FRMD4A: variants seen among roughly 807,000 people sequenced by gnomAD.
FRMD4A encodes FERM domain containing 4A, also known as FERM domain-containing protein 4A.
FRMD4A carries 29 observed loss-of-function variants against 129.1 expected under a neutral mutation model. The observed-to-expected ratio is 0.22, with a 90% CI of 0.17 to 0.31. The LOEUF is 0.31. Among genes scored for constraint, FRMD4A ranks in the 10% least tolerant of loss-of-function variants. The pLI is 1.00. For missense variants in FRMD4A, 1,272 were observed against 1,375.8 expected (o/e 0.92, Z 1.19); for synonymous variants, 634 against 571.6 (o/e 1.11, Z -1.56).
intron 9 of FRMD4A, among the ~76,000 whole-genome samples, chr10:13,741,609 C>A (rs2091009055): frequency 6.6e-6 from 1 of 152,200 alleles, no homozygotes; most frequent in African/African-American, 2.4e-5. Context: ...CTCATCTTCC[C>A]AGTCCTGTTC....
At chr10:13,992,838 A>T (rs1310003917) in intron 2 of FRMD4A, among the ~76,000 whole-genome samples, 1 of 150,566 alleles carries the variant, frequency 6.6e-6, no homozygotes, top group Non-Finnish European at 1.5e-5. Context: ...CTGTAATCCC[A>T]GCTACTTGGG....
At chr10:13,954,609 T>C (rs1264670089) in intron 2 of FRMD4A, among the ~76,000 whole-genome samples, 2 of 152,082 alleles carry the variant, frequency 1.3e-5, no homozygotes, top group South Asian at 4.1e-4. Flanking sequence ...GGAAGGGGAA[T>C]TGAGAGGAGA....
intron 2 of FRMD4A, among the ~76,000 whole-genome samples, chr10:14,289,465 A>G (rs1218426726): frequency 6.6e-6 from 1 of 152,002 alleles, no homozygotes; most frequent in Admixed American, 6.5e-5. Flanking sequence ...CCAGTTTTTA[A>G]TTGGGTTATC....
At chr10:14,029,285 G>A (rs1389001999) in intron 2 of FRMD4A, among the ~76,000 whole-genome samples, 3 of 152,012 alleles carry the variant, frequency 2.0e-5, no homozygotes, top group Admixed American at 1.3e-4. Flanking sequence ...TGAATTATTT[G>A]TAAAGGCATG....
At chr10:13,914,824 T>G (rs2094981777) in intron 2 of FRMD4A, among the ~76,000 whole-genome samples, 1 of 152,110 alleles carries the variant, frequency 6.6e-6, no homozygotes, top group Non-Finnish European at 1.5e-5. Context: ...ACCACAAGAC[T>G]GGGCAACAGA....
intron 4 of FRMD4A, among the ~76,000 whole-genome samples, chr10:13,807,113 T>C (rs1369433670): frequency 6.6e-6 from 1 of 152,206 alleles, no homozygotes; most frequent in Non-Finnish European, 1.5e-5. Flanking sequence ...GGCCAATAAT[T>C]ATTTTAACAT....
At chr10:13,789,995 C>A (rs995903491) in intron 5 of FRMD4A, among the ~76,000 whole-genome samples, 3 of 151,960 alleles carry the variant, frequency 2.0e-5, no homozygotes, top group Non-Finnish European at 2.9e-5. Flanking sequence ...GGGGTCAAGG[C>A]CAGACGCAGA....
At chr10:14,109,424 G>A (rs564753504) in intron 2 of FRMD4A, among the ~76,000 whole-genome samples, 11 of 152,168 alleles carry the variant, frequency 7.2e-5, no homozygotes, top group Non-Finnish European at 1.6e-4. Flanking sequence ...GCAAAAGAAT[G>A]TAAAATGAGT....
intron 23 of FRMD4A, chr10:13,652,232 T>A: frequency 3.8e-6 from 2 of 526,368 alleles, no homozygotes; most frequent in East Asian, 6.5e-5. Flanking sequence ...GCAAACAGTT[T>A]ATGCCAAGAA....
intron 2 of FRMD4A, among the ~76,000 whole-genome samples, chr10:14,150,807 A>G (rs80345375): frequency 0.023 from 3,546 of 152,240 alleles, 67 homozygotes; most frequent in Non-Finnish European, 0.036. Flanking sequence ...CTCCTCTCCC[A>G]ATGAGCATTA....
chr10:14,235,254 A>G (rs1173965996), intron 2 of FRMD4A, among the ~76,000 whole-genome samples: 1 of 141,108 alleles, frequency 7.1e-6, no homozygotes, highest in Non-Finnish European at 1.6e-5. Context: ...GGTTCACGCC[A>G]TTCTCCGGCC....
intron 3 of FRMD4A, among the ~76,000 whole-genome samples, chr10:13,837,721 T>C (rs1229389790): frequency 6.6e-6 from 1 of 152,230 alleles, no homozygotes; most frequent in African/African-American, 2.4e-5. Flanking sequence ...GTGAATATTG[T>C]ACCATCATGC....
intron 2 of FRMD4A, among the ~76,000 whole-genome samples, chr10:13,969,273 G>A (rs1382643886): frequency 6.6e-6 from 1 of 152,222 alleles, no homozygotes; most frequent in East Asian, 1.9e-4. Context: ...TGCCTGGGTT[G>A]GACATATCTG....
chr10:14,243,763 C>T (rs1352187779), intron 2 of FRMD4A, among the ~76,000 whole-genome samples: 1 of 150,476 alleles, frequency 6.6e-6, no homozygotes, highest in African/African-American at 2.5e-5. Context: ...TGTACATTCA[C>T]ACTGCTATTA....
intron 2 of FRMD4A, among the ~76,000 whole-genome samples, chr10:14,189,533 C>T (rs1842253657): frequency 1.3e-5 from 2 of 152,022 alleles, no homozygotes; most frequent in Non-Finnish European, 2.9e-5. Flanking sequence ...GAGATTGCAC[C>T]ATTGCACTCC....
chr10:13,865,216 G>A (rs2094349623), intron 2 of FRMD4A, among the ~76,000 whole-genome samples: 2 of 151,996 alleles, frequency 1.3e-5, no homozygotes, highest in Non-Finnish European at 2.9e-5. Context: ...TAGGAATCCT[G>A]CAATGATTAA....
rs114055248 is a variant in FRMD4A, at chr10:13,921,712, C to G, written c.46-62800G>C. ...ATTTTGGGGAACACAAACATTCAGGCCATAGCAGCACATAAGGAATGGAGT... is the reference window on the plus strand; with the variant it reads ...ATTTTGGGGAACACAAACATTCAGGGCATAGCAGCACATAAGGAATGGAGT... On this transcript the variant is annotated intron_variant, in intron 2 of 24. Transcript: ENST00000357447. Among the ~76,000 whole-genome samples the G allele has an allele frequency of 8.3e-3, 1,262 of 152,228 alleles. 14 individuals are homozygous for G. The highest frequency in any genetic ancestry group is 0.028 in the African/African-American group (1,179 of 41,540).
At chr10:13,666,564 A>T (rs887073939) in intron 17 of FRMD4A, among the ~76,000 whole-genome samples, 3 of 152,166 alleles carry the variant, frequency 2.0e-5, no homozygotes, top group Admixed American at 6.5e-5. Context: ...CTGAGAACAG[A>T]GTTCCCACGA....
intron 2 of FRMD4A, among the ~76,000 whole-genome samples, chr10:14,242,163 G>T (rs1486899926): frequency 1.3e-5 from 2 of 152,132 alleles, no homozygotes; most frequent in African/African-American, 4.8e-5. Flanking sequence ...AAGAGAAAAG[G>T]GTTAGCCAAT....
Sources: allele counts gnomAD v4.1 joint callset (sites outside exome capture counted in the v4.1 genomes callset), GRCh38; gene constraint gnomAD v4.1.1; transcripts MANE v1.5; gene names NCBI Gene and HGNC (gene_info 2026-07-23, HGNC 2026-07-21).